The following DUSP22 variants were observed in gnomAD, a reference collection of about 807,000 sequenced individuals.
DUSP22 encodes the protein dual specificity phosphatase 22.
A neutral mutation model predicts 24.5 loss-of-function variants in DUSP22; 24 were observed. The ratio of observed to expected loss-of-function variants is 0.98; its 90% CI spans 0.71 to 1.38. DUSP22 has a LOEUF of 1.38. Ranked by LOEUF, DUSP22 falls within the 40% of genes most tolerant of loss-of-function variation. DUSP22 has a pLI of 0.00. For synonymous variants in DUSP22, 160 were observed against 106.4 expected (o/e 1.50, Z -3.10); for missense variants, 330 against 269.2 (o/e 1.23, Z -1.58).
intron 3 of DUSP22, among the ~76,000 whole-genome samples, chr6:330,506 C>G (rs1759093948): frequency 6.6e-6 from 1 of 152,302 alleles, no homozygotes; most frequent in African/African-American, 2.4e-5. Context: ...AGTTTGATCT[C>G]TTTCTTTACC....
intron 4 of DUSP22, among the ~76,000 whole-genome samples, 193 bp downstream of exon 4, chr6:335,356 G>T (rs1293510429): frequency 6.6e-6 from 1 of 152,308 alleles, no homozygotes; most frequent in African/African-American, 2.4e-5. Context: ...GAGGCTCCTT[G>T]TGGTTGACTG....
chr6:318,852 G>C (rs1435620068), intron 3 of DUSP22, among the ~76,000 whole-genome samples: 1 of 152,296 alleles, frequency 6.6e-6, no homozygotes, highest in Admixed American at 6.5e-5. Context: ...CCATATTAAG[G>C]AATACTCGGC....
At chr6:328,369 A>T (rs1340198322) in intron 3 of DUSP22, among the ~76,000 whole-genome samples, 2 of 152,426 alleles carry the variant, frequency 1.3e-5, no homozygotes, top group East Asian at 3.8e-4. Context: ...GAGGAAATCC[A>T]ACATTCTGAC....
chr6:303,738 T>C (rs923208863), intron 1 of DUSP22, among the ~76,000 whole-genome samples: 1 of 152,310 alleles, frequency 6.6e-6, no homozygotes. Context: ...AGAGTGTCCA[T>C]GCAAAGTGCT....
intron 1 of DUSP22, among the ~76,000 whole-genome samples, chr6:297,183 A>G (rs1030420794): frequency 1.3e-5 from 2 of 152,306 alleles, no homozygotes; most frequent in Admixed American, 6.5e-5. Context: ...TCCTGGATTC[A>G]TAGATGTATA....
At position 351,142 on chromosome 6, in the gene DUSP22, G is replaced by T. The variant is rs1341935009; in HGVS notation, c.*2191G>T. On this transcript the variant is annotated 3_prime_UTR_variant, in exon 7 of 7. Transcript: ENST00000419235. ...GGGAGCCTTGCCGCACTGCCTTGTG[G>T]GTGGCTTGGCGCTCGTGATTGCTTC... The T allele has an allele frequency of 3.8e-6, 2 of 531,786 alleles. No individual in the cohort carries two copies. Among genetic ancestry groups the T allele is most frequent in the African/African-American group, 1.9e-5 (1 of 52,726 alleles). 32.9% of individuals were successfully genotyped at this position (531,786 alleles called of 1,614,324 possible).
chr6:305,875 T>C (rs1757795541), intron 2 of DUSP22, among the ~76,000 whole-genome samples: 2 of 152,308 alleles, frequency 1.3e-5, no homozygotes, highest in African/African-American at 4.8e-5. Context: ...CCTGTTGGCT[T>C]TCTGGATGTT....
chr6:346,922 G>T (rs987015054), intron 5 of DUSP22, among the ~76,000 whole-genome samples: 48 of 152,408 alleles, frequency 3.1e-4, no homozygotes, highest in Admixed American at 1.2e-3. Context: ...CGATAGGGAC[G>T]ACAGGGAGGA....
chr6:310,090 A>G (rs1476479041), intron 2 of DUSP22, among the ~76,000 whole-genome samples: 1 of 152,404 alleles, frequency 6.6e-6, no homozygotes, highest in African/African-American at 2.4e-5. Context: ...CCTCCTGAGT[A>G]GTGGGGTTTA....
intron 1 of DUSP22, among the ~76,000 whole-genome samples, chr6:303,772 A>T (rs1290805346): frequency 6.6e-6 from 1 of 152,306 alleles, no homozygotes; most frequent in Non-Finnish European, 1.5e-5. Flanking sequence ...TTTGCTTCCT[A>T]CTTCGCAAAT....
intron 4 of DUSP22, among the ~76,000 whole-genome samples, chr6:337,494 A>C (rs1355609885): frequency 6.6e-6 from 1 of 152,300 alleles, no homozygotes; most frequent in African/African-American, 2.4e-5. Context: ...GCTGACATGG[A>C]GGGACAGGGG....
intron 3 of DUSP22, among the ~76,000 whole-genome samples, chr6:332,347 CTG>C (rs1759177402): frequency 6.6e-6 from 1 of 152,302 alleles, no homozygotes; most frequent in African/African-American, 2.4e-5. Context: ...ACCCCAGCGA[CTG>C]TGGGCAGGGG....
chr6:321,400 T>C (rs1403545923), intron 3 of DUSP22, among the ~76,000 whole-genome samples: 1 of 152,304 alleles, frequency 6.6e-6, no homozygotes, highest in African/African-American at 2.4e-5. Flanking sequence ...CCGATTTCTT[T>C]TGCAGGATGT....
At chr6:314,735 T>G (rs1476926053) in intron 3 of DUSP22, among the ~76,000 whole-genome samples, 1 of 152,310 alleles carries the variant, frequency 6.6e-6, no homozygotes, top group Non-Finnish European at 1.5e-5. Flanking sequence ...TGTGCTTGCT[T>G]ATGTGATGTG....
chr6:323,864 C>A (rs1319761555), intron 3 of DUSP22, among the ~76,000 whole-genome samples: 1 of 152,308 alleles, frequency 6.6e-6, no homozygotes, highest in Non-Finnish European at 1.5e-5. Flanking sequence ...ATACCTTGTT[C>A]CAGGAGATCA....
intron 3 of DUSP22, among the ~76,000 whole-genome samples, chr6:314,429 C>T (rs1758252873): frequency 6.6e-6 from 1 of 152,312 alleles, no homozygotes; most frequent in African/African-American, 2.4e-5. Flanking sequence ...ACGTATTGGG[C>T]ACTACACTGT....
At chr6:293,564 A>C (rs707904) in intron 1 of DUSP22, among the ~76,000 whole-genome samples, 1 of 152,278 alleles carries the variant, frequency 6.6e-6, no homozygotes, top group African/African-American at 2.4e-5. Context: ...GGGGATGGCA[A>C]TGTGGCTGTG....
chr6:314,155 T>G (rs969032916), intron 3 of DUSP22, among the ~76,000 whole-genome samples: 11 of 152,264 alleles, frequency 7.2e-5, no homozygotes, highest in African/African-American at 2.7e-4. Context: ...CTGTGCGAGG[T>G]CAAGCAAATG....
At chr6:335,054 C>T in intron 3 of DUSP22, 60 bp from the exon 4 acceptor site, 1 of 1,571,528 alleles carries the variant, frequency 6.4e-7, no homozygotes. Flanking sequence ...TCCTTAAATA[C>T]TTTTCTCCAC....
Sources: gnomAD v4.1 joint callset for allele counts (sites outside exome capture counted in the v4.1 genomes callset) on GRCh38, gnomAD v4.1.1 for gene constraint, MANE v1.5 for transcripts, NCBI Gene and HGNC (gene_info 2026-07-23, HGNC 2026-07-21) for gene names.